Variants in NME7 observed in about 807,000 individuals in gnomAD.
NME7 encodes NME/NM23 family member 7, also known as nucleoside diphosphate kinase 7.
A neutral mutation model predicts 49.1 loss-of-function variants in NME7; 41 were observed. The ratio of observed to expected loss-of-function variants is 0.83; its 90% CI spans 0.65 to 1.08. The LOEUF (loss-of-function observed/expected upper bound fraction) is 1.08. NME7 is among the 50% of genes least tolerant of loss of function. The pLI, the probability that NME7 is intolerant of heterozygous loss-of-function variation, is 0.00. For synonymous variants in NME7, 139 were observed against 150.6 expected (o/e 0.92, Z 0.56); for missense variants, 423 against 463.4 (o/e 0.91, Z 0.80).
chr1:169,150,963 T>A (rs1373342772), intron 11 of NME7, among the ~76,000 whole-genome samples: 2 of 152,114 alleles, frequency 1.3e-5, no homozygotes, highest in South Asian at 2.1e-4. Context: ...CACATACTTT[T>A]CATGTGTCAC....
chr1:169,260,225 C>T (rs1405968069), intron 7 of NME7, among the ~76,000 whole-genome samples: 2 of 133,236 alleles, frequency 1.5e-5, no homozygotes, highest in Non-Finnish European at 3.5e-5. Flanking sequence ...ATTTATTAAT[C>T]CATTCAAAAA....
chr1:169,244,050 A>AAT (rs1396906519), intron 7 of NME7, among the ~76,000 whole-genome samples: 13 of 148,750 alleles, frequency 8.7e-5, no homozygotes, highest in Non-Finnish European at 1.9e-4. Flanking sequence ...TATATGCAAA[A>AAT]ATATACATAT....
At chr1:169,343,749 C>T (rs1320122443) in intron 1 of NME7, among the ~76,000 whole-genome samples, 1 of 152,144 alleles carries the variant, frequency 6.6e-6, no homozygotes, top group Admixed American at 6.5e-5. Flanking sequence ...CCTGCCTCGG[C>T]CTCCCAAAGT....
intron 10 of NME7, among the ~76,000 whole-genome samples, chr1:169,182,537 G>A (rs1004864929): frequency 6.6e-6 from 1 of 152,106 alleles, no homozygotes; most frequent in Non-Finnish European, 1.5e-5. Flanking sequence ...CTTTAGCATA[G>A]CATTCTTTCC....
intron 1 of NME7, among the ~76,000 whole-genome samples, chr1:169,338,411 C>G (rs1652560010): frequency 6.6e-6 from 1 of 152,148 alleles, no homozygotes; most frequent in Admixed American, 6.5e-5. Flanking sequence ...CAACTTAACT[C>G]CTGCTAAATT....
At chr1:169,179,073 G>A (rs932442670) in intron 10 of NME7, among the ~76,000 whole-genome samples, 3 of 151,922 alleles carry the variant, frequency 2.0e-5, no homozygotes, top group South Asian at 2.1e-4. Context: ...TGCCCACCTC[G>A]GCCTCCCAAG....
chr1:169,261,447 C>G lies in NME7; in HGVS notation c.755-23760G>C, dbSNP rs1442416187. Among the ~76,000 whole-genome samples the G allele has an allele frequency of 1.5e-5, 2 of 133,954 alleles. 1 individual carries two copies. Among genetic ancestry groups the G allele is most frequent in the Non-Finnish European group, 3.5e-5 (2 of 57,006 alleles). 87.9% of individuals were successfully genotyped at this position (133,954 alleles called of 152,430 possible). On this transcript the variant is annotated intron_variant, in intron 7 of 11. Transcript: ENST00000367811. ...AAGTAAACGTGCATTAGAGAAGCTACTTGTGTAAAGCAGAGTGTCCCAACT... is the reference window on the plus strand; with the variant it reads ...AAGTAAACGTGCATTAGAGAAGCTAGTTGTGTAAAGCAGAGTGTCCCAACT...
At chr1:169,231,122 T>A (rs1375561702) in intron 9 of NME7, among the ~76,000 whole-genome samples, 1 of 152,190 alleles carries the variant, frequency 6.6e-6, no homozygotes, top group Admixed American at 6.5e-5. Context: ...TACAATGTTG[T>A]TGAATTCACA....
At chr1:169,354,428 T>C (rs930618643) in intron 1 of NME7, among the ~76,000 whole-genome samples, 1 of 151,660 alleles carries the variant, frequency 6.6e-6, no homozygotes, top group Admixed American at 6.6e-5. Context: ...ACAAAAAAAA[T>C]TGAAAGAGTG....
At chr1:169,181,144 A>ATCTATCTG (rs1553243268) in intron 10 of NME7, among the ~76,000 whole-genome samples, 1 of 147,400 alleles carries the variant, frequency 6.8e-6, no homozygotes, top group Admixed American at 6.7e-5. Flanking sequence ...TTATCTATCT[A>ATCTATCTG]TCTATCTATC....
intron 10 of NME7, among the ~76,000 whole-genome samples, chr1:169,176,413 G>T (rs529172792): frequency 3.9e-5 from 6 of 152,236 alleles, no homozygotes. Context: ...TAAATTGTTT[G>T]TATATGAGGA....
chr1:169,330,193 A>G (rs1652201646), intron 1 of NME7, among the ~76,000 whole-genome samples: 3 of 152,230 alleles, frequency 2.0e-5, no homozygotes, highest in Admixed American at 2.0e-4. Context: ...AGAAATGTTA[A>G]AGGGAGTACT....
At chr1:169,251,198 T>C (rs34127028) in intron 7 of NME7, among the ~76,000 whole-genome samples, 10,614 of 152,142 alleles carry the variant, frequency 0.07, 1,473 homozygotes, top group East Asian at 0.66. Flanking sequence ...TATCTTCTTG[T>C]TGGATTGATC....
At position 169,163,892 on chromosome 1, in the gene NME7, C is replaced by T. The variant is rs576032219; in HGVS notation, c.1098+5555G>A. ...TTGGGAAGCCAAGGCGGGCAGATCA[C>T]AAGGTCAGGCGATCAAGACCATCCT... is the stretch of plus-strand genomic sequence containing the variant. On this transcript the variant is annotated intron_variant, in intron 11 of 11. Transcript: ENST00000367811. Among the ~76,000 whole-genome samples the T allele has an allele frequency of 2.6e-5, 4 of 152,150 alleles. No individual in the cohort carries two copies. The South Asian group carries it at 8.3e-4, about 32-fold the overall frequency.
intron 11 of NME7, among the ~76,000 whole-genome samples, chr1:169,135,205 C>T (rs778113236): frequency 3.3e-5 from 5 of 151,648 alleles, no homozygotes; most frequent in African/African-American, 9.7e-5. Flanking sequence ...CAACCAAAAA[C>T]GGCATTACCC....
intron 3 of NME7, among the ~76,000 whole-genome samples, chr1:169,318,054 T>C (rs1046417251): frequency 5.3e-5 from 8 of 152,154 alleles, no homozygotes; most frequent in Non-Finnish European, 1.0e-4. Context: ...TGGAAGCCTG[T>C]TTCTCTCTAG....
chr1:169,162,412 G>T (rs981847350), intron 11 of NME7, among the ~76,000 whole-genome samples: 2 of 151,606 alleles, frequency 1.3e-5, no homozygotes, highest in African/African-American at 4.9e-5. Flanking sequence ...AAAAAAACAG[G>T]AAAGACCTAT....
At chr1:169,262,197 A>G (rs1649186203) in intron 7 of NME7, among the ~76,000 whole-genome samples, 1 of 133,866 alleles carries the variant, frequency 7.5e-6, no homozygotes, top group Admixed American at 7.4e-5. Flanking sequence ...CTCAGGCTAT[A>G]CTACTGAATG....
chr1:169,150,928 T>C (rs530164267), intron 11 of NME7, among the ~76,000 whole-genome samples: 1 of 152,346 alleles, frequency 6.6e-6, no homozygotes, highest in Admixed American at 6.5e-5. Flanking sequence ...TAAAACTTTA[T>C]TTATGGACAT....
Sources: allele counts gnomAD v4.1 joint callset (sites outside exome capture counted in the v4.1 genomes callset), GRCh38; gene constraint gnomAD v4.1.1; transcripts MANE v1.5; gene names NCBI Gene and HGNC (gene_info 2026-07-23, HGNC 2026-07-21).